The following MAP4K3 variants were observed in gnomAD, a reference collection of about 807,000 sequenced individuals.
MAP4K3 encodes mitogen-activated protein kinase kinase kinase kinase 3.
MAP4K3 carries 94 observed loss-of-function variants against 143.5 expected under a neutral mutation model. The observed-to-expected ratio is 0.65, with a 90% confidence interval of 0.55 to 0.78. MAP4K3 has a LOEUF of 0.78. Ranked by LOEUF, MAP4K3 falls within the 30% of genes least tolerant of loss-of-function variation. The pLI is 0.00. For synonymous variants in MAP4K3, 416 were observed against 347.2 expected (o/e 1.20, Z -2.20); for missense variants, 1,077 against 1,068.1 (o/e 1.01, Z -0.12).
chr2:39,323,559 A>G (rs556294450), intron 12 of MAP4K3: 1 of 152,370 alleles, frequency 6.6e-6, no homozygotes, highest in South Asian at 2.1e-4. Context: ...ACTGTATATT[A>G]ATTGAAATTG....
intron 1 of MAP4K3, among the ~76,000 whole-genome samples, chr2:39,380,350 T>C (rs1027379067): frequency 6.6e-6 from 1 of 152,180 alleles, no homozygotes; most frequent in Admixed American, 6.5e-5. Flanking sequence ...CTTGGTCTTC[T>C]GCCTAAAATA....
chr2:39,284,945 C>A (rs932697526), intron 21 of MAP4K3, among the ~76,000 whole-genome samples: 3 of 152,048 alleles, frequency 2.0e-5, no homozygotes, highest in African/African-American at 7.2e-5. Context: ...GGCTGGAGTG[C>A]AGTGGCAGGC....
At chr2:39,355,419 T>G (rs954513044) in intron 3 of MAP4K3, among the ~76,000 whole-genome samples, 1 of 141,030 alleles carries the variant, frequency 7.1e-6, no homozygotes, top group Non-Finnish European at 1.5e-5. Flanking sequence ...TGGTCCCAGC[T>G]ATTCATGAGG....
chr2:39,352,948 T>C (rs1232717900), intron 3 of MAP4K3, among the ~76,000 whole-genome samples: 1 of 152,188 alleles, frequency 6.6e-6, no homozygotes, highest in Non-Finnish European at 1.5e-5. Context: ...AGTATATATT[T>C]TACGGGGTTT....
chr2:39,393,981 A>G (rs2148599218), intron 1 of MAP4K3, among the ~76,000 whole-genome samples: 1 of 152,344 alleles, frequency 6.6e-6, no homozygotes, highest in South Asian at 2.1e-4. Context: ...CGACATACAT[A>G]TGCTTTCTCA....
intron 2 of MAP4K3, among the ~76,000 whole-genome samples, chr2:39,363,473 G>C (rs1171546509): frequency 6.6e-6 from 1 of 152,122 alleles, no homozygotes; most frequent in Non-Finnish European, 1.5e-5. Context: ...TTTGAGACCA[G>C]CCTGGCCAAC....
chr2:39,326,029 A>G (rs561327401), intron 9 of MAP4K3, 68 bp from the exon 10 acceptor site: 3 of 1,493,620 alleles, frequency 2.0e-6, no homozygotes, highest in African/African-American at 1.4e-5. Context: ...CACAAATTCT[A>G]TTACTATTTG....
At chr2:39,377,955 T>C (rs975899869) in intron 2 of MAP4K3, 111 bp downstream of exon 2, 1 of 707,410 alleles carries the variant, frequency 1.4e-6, no homozygotes, top group African/African-American at 1.8e-5. Context: ...GCTCTATTTA[T>C]CCCAGATGTT....
chr2:39,355,506 C>T (rs1573191077), intron 3 of MAP4K3, among the ~76,000 whole-genome samples: 3 of 151,788 alleles, frequency 2.0e-5, no homozygotes, highest in South Asian at 2.1e-4. Flanking sequence ...CACTCCAGCC[C>T]GGGTGACAGA....
chr2:39,379,117 C>G (rs138657440), intron 1 of MAP4K3, among the ~76,000 whole-genome samples: 31 of 152,156 alleles, frequency 2.0e-4, no homozygotes, highest in Non-Finnish European at 1.5e-5. Flanking sequence ...GCAACACTCT[C>G]TTATTAATGG....
chr2:39,290,369 ATT>A, intron 18 of MAP4K3, 35 bp from the exon 19 acceptor site: 1 of 1,401,468 alleles, frequency 7.1e-7, no homozygotes, highest in Non-Finnish European at 9.9e-7. Flanking sequence ...AGAACTATTC[ATT>A]TTACAAATGA....
rs1045939659 is a variant in MAP4K3, at chr2:39,306,190, A to G, written c.1119+1753T>C. 2.0e-5 allele frequency among the ~76,000 whole-genome samples: 3 copies of G among 152,264 alleles called. No homozygotes were observed. The South Asian group carries it at 6.2e-4, about 32-fold the overall frequency. ...TGTTGTTATCTTTTCTACATGGAGG[A>G]TATTAATAAATACTAGAGTCAATTT... On this transcript the variant is annotated intron_variant, in intron 15 of 33. Coordinates refer to ENST00000263881, the MANE Select transcript of MAP4K3 (RefSeq NM_003618.4).
chr2:39,260,729 C>T lies in MAP4K3; in HGVS notation c.2185G>A (p.Val729Ile), dbSNP rs1162194451. ...PCPLRMFEML[V>I]VPEQEYPLVC... is the part of the protein sequence containing the mutation. The stretch of plus-strand genomic sequence containing the variant: ...AAAGGGTACTCCTGTTCAGGAACTA[C>T]CAGCATTTCAAACATTCTAAGTGGA... The change falls in exon 29 of 34, where the codon GTA (valine) becomes ATA (isoleucine). Residue 729 changes from valine to isoleucine, a missense_variant. Around this residue, in one of 2 missense-constraint regions of MAP4K3, gnomAD observed 864 missense variants for 801.2 expected, o/e 1.08. Coordinates refer to ENST00000263881, the MANE Select transcript of MAP4K3 (RefSeq NM_003618.4). The T allele has an allele frequency of 6.2e-7, 1 of 1,613,388 alleles. No homozygotes were observed. Among genetic ancestry groups the T allele is most frequent in the African/African-American group, 1.3e-5 (1 of 74,878 alleles).
At chr2:39,382,029 G>T (rs887473139) in intron 1 of MAP4K3, among the ~76,000 whole-genome samples, 2 of 152,160 alleles carry the variant, frequency 1.3e-5, no homozygotes, top group African/African-American at 4.8e-5. Flanking sequence ...GACCGATCTC[G>T]GCTTAGAGGG....
intron 15 of MAP4K3, among the ~76,000 whole-genome samples, chr2:39,302,752 CAG>C (rs1171473043): frequency 6.6e-6 from 1 of 152,168 alleles, no homozygotes; most frequent in Non-Finnish European, 1.5e-5. Context: ...TAATGAATGA[CAG>C]TGTTTACACA....
At chr2:39,435,646 T>G (rs557394661) in intron 1 of MAP4K3, among the ~76,000 whole-genome samples, 1 of 152,348 alleles carries the variant, frequency 6.6e-6, no homozygotes, top group South Asian at 2.1e-4. Flanking sequence ...AAATGGCTAT[T>G]TAATACTGTC....
At chr2:39,360,344 A>G (rs4606898) in intron 2 of MAP4K3, among the ~76,000 whole-genome samples, 6,521 of 152,328 alleles carry the variant, frequency 0.043, 477 homozygotes, top group African/African-American at 0.15. Context: ...CATTTTGATC[A>G]AAGCCATTCA....
rs753346494 is a variant in MAP4K3 at position 39,293,271 on chromosome 2, TAAAAG to T, written c.1179-8_1179-4del. On this transcript the variant is annotated splice_polypyrimidine_tract_variant and splice_region_variant and intron_variant, in intron 16 of 33. Transcript: ENST00000263881. ...CTTCAACAGACTTGAGAAGACTCCTTAAAAGAAAAAACAAAAACAAAAAATAATGT... is the reference window on the plus strand; with the variant it reads ...CTTCAACAGACTTGAGAAGACTCCTTAAAAAACAAAAACAAAAAATAATGT... 87 of 1,526,446 alleles carry T rather than the reference TAAAAG, an allele frequency of 5.7e-5. No individual in the cohort carries two copies. Among genetic ancestry groups the T allele is most frequent in the Admixed American group, 2.7e-4 (13 of 47,392 alleles). 94.6% of individuals were successfully genotyped at this position (1,526,446 alleles called of 1,614,324 possible). A position where few individuals can be genotyped will look rare whatever the true frequency, so the allele number is the denominator to read the frequency against.
At chr2:39,346,389 T>C (rs1423952772) in intron 3 of MAP4K3, among the ~76,000 whole-genome samples, 2 of 152,316 alleles carry the variant, frequency 1.3e-5, no homozygotes, top group East Asian at 1.9e-4. Flanking sequence ...ACACTAAGCA[T>C]AGGACTTTTT....
Sources: gnomAD v4.1 joint callset for allele counts (sites outside exome capture counted in the v4.1 genomes callset) on GRCh38, gnomAD v4.1.1 for gene constraint, gnomAD v4.1.1 regional missense constraint, MANE v1.5 for transcripts, NCBI Gene and HGNC (gene_info 2026-07-23, HGNC 2026-07-21) for gene names.